GORASP2: variants seen among roughly 807,000 people sequenced by gnomAD.
GORASP2 encodes the protein Golgi reassembly-stacking protein 2.
In GORASP2, 22 loss-of-function variants were observed where a neutral mutation model predicts 45.7. That is an observed-to-expected ratio of 0.48 (90% confidence interval 0.34 to 0.69). The LOEUF is 0.69. Among genes scored for constraint, GORASP2 ranks in the 30% least tolerant of loss-of-function variants. The pLI is 0.01. For missense variants in GORASP2, 491 were observed against 562.7 expected (o/e 0.87, Z 1.29); for synonymous variants, 221 against 215.6 (o/e 1.02, Z -0.22).
Position 170,953,220 on chromosome 2 carries a change from G to A in GORASP2, c.567-1430G>A, listed in dbSNP as rs1005522838. Among the ~76,000 whole-genome samples, 3 of 152,168 alleles carry A rather than the reference G, an allele frequency of 2.0e-5. No individual in the cohort carries two copies. The East Asian group carries it at 5.8e-4, about 29-fold the overall frequency. On this transcript the variant is annotated intron_variant, in intron 5 of 9. Coordinates refer to ENST00000234160, the MANE Select transcript of GORASP2 (RefSeq NM_015530.5). ...AAAATACAAAAATTAGCCAGATGTG[G>A]TGGCATGCACCTATAGTCCCAGCTA...
chr2:170,932,454 A>T (rs763413377), intron 1 of GORASP2, among the ~76,000 whole-genome samples: 1 of 152,204 alleles, frequency 6.6e-6, no homozygotes, highest in Non-Finnish European at 1.5e-5. Context: ...ACATTTGGTT[A>T]TCTAGTCTTC....
rs143373773 is a variant in GORASP2, at chr2:170,951,334, G to A, written c.442G>A (p.Asp148Asn). Reference sequence around the variant, plus strand: ...TCCTGTGACACTTTTGCAGTCTGAAGATCTATTCAGCCTTATCGAAACACA... The same window carrying A: ...TCCTGTGACACTTTTGCAGTCTGAAAATCTATTCAGCCTTATCGAAACACA... ...GADTVMNESE[D>N]LFSLIETHEA... The change falls in exon 5 of 10, where the codon GAT becomes AAT. Residue 148 changes from aspartate to asparagine, a missense_variant. Physicochemically the swap from Asp to Asn is conservative, Grantham distance 23. Coordinates refer to ENST00000234160, the MANE Select transcript of GORASP2 (RefSeq NM_015530.5). The A allele has an allele frequency of 6.3e-7, 1 of 1,598,938 alleles. No individual in the cohort carries two copies. The highest frequency in any genetic ancestry group is 8.5e-7 in the Non-Finnish European group (1 of 1,174,954).
chr2:170,964,905 T>A (rs889835884), intron 9 of GORASP2, among the ~76,000 whole-genome samples: 5 of 133,756 alleles, frequency 3.7e-5, no homozygotes, highest in African/African-American at 1.4e-4. Context: ...TTTTTTTTTT[T>A]TTTTTTTTTT....
intron 1 of GORASP2, chr2:170,929,851 C>T (rs918696511): frequency 2.2e-6 from 1 of 451,650 alleles, no homozygotes; most frequent in Non-Finnish European, 4.6e-6. Flanking sequence ...GGAGGCGGGG[C>T]CTGCGGCGGC....
chr2:170,929,291 G>C lies in GORASP2; in HGVS notation c.-50G>C. The C allele has an allele frequency of 5.4e-6, 7 of 1,304,296 alleles. No individual in the cohort carries two copies. The South Asian group carries it at 9.8e-5, about 18-fold the overall frequency. 80.8% of individuals were successfully genotyped at this position (1,304,296 alleles called of 1,614,324 possible). A position where few individuals can be genotyped will look rare whatever the true frequency, so the allele number is the denominator to read the frequency against. On this transcript the variant is annotated 5_prime_UTR_variant, in exon 1 of 10. Transcript: ENST00000234160. ...AGGATTAGAGCAGGCGGTGCGCTGGGGGCGGGAGCAGCGCGGAGCCCGGCT... is the reference window on the plus strand; with the variant it reads ...AGGATTAGAGCAGGCGGTGCGCTGGCGGCGGGAGCAGCGCGGAGCCCGGCT...
intron 1 of GORASP2, among the ~76,000 whole-genome samples, chr2:170,941,293 G>T (rs1704072180): frequency 1.3e-5 from 2 of 152,032 alleles, no homozygotes; most frequent in African/African-American, 2.4e-5. Context: ...TTGCTCTTTA[G>T]TATTTTCAGC....
chr2:170,929,731 T>C, intron 1 of GORASP2: 4 of 553,758 alleles, frequency 7.2e-6, no homozygotes, highest in South Asian at 1.5e-5. Flanking sequence ...CCACCCCCCC[T>C]CATTTTTAGC....
chr2:170,947,215 C>A (rs1488454927), intron 1 of GORASP2, among the ~76,000 whole-genome samples: 1 of 152,150 alleles, frequency 6.6e-6, no homozygotes, highest in African/African-American at 2.4e-5. Flanking sequence ...CCACAGACCT[C>A]AATTTAAGAT....
chr2:170,954,887 G>A (rs1156324597), intron 6 of GORASP2, 105 bp downstream of exon 6: 17 of 804,666 alleles, frequency 2.1e-5, no homozygotes, highest in African/African-American at 1.2e-4. Context: ...TAGGGTAGAC[G>A]ATGAGTTAAG....
intron 1 of GORASP2, among the ~76,000 whole-genome samples, chr2:170,932,127 T>C (rs2105308513): frequency 6.6e-6 from 1 of 152,320 alleles, no homozygotes; most frequent in South Asian, 2.1e-4. Context: ...CTTGGGAGGC[T>C]GAGGCAGGAG....
At chr2:170,931,052 G>A (rs113346666) in intron 1 of GORASP2, among the ~76,000 whole-genome samples, 2 of 151,072 alleles carry the variant, frequency 1.3e-5, no homozygotes, top group African/African-American at 4.9e-5. Flanking sequence ...ACTGCATTCC[G>A]ACATAAAATG....
At chr2:170,961,890 G>GA (rs1704570109) in intron 8 of GORASP2, 141 bp downstream of exon 8, 11 of 665,328 alleles carry the variant, frequency 1.7e-5, no homozygotes, top group Non-Finnish European at 2.7e-5. Flanking sequence ...ATAAGTTTGT[G>GA]ATAAATGAGA....
At chr2:170,954,573 G>T in intron 5 of GORASP2, 77 bp from the exon 6 acceptor site, 1 of 1,016,110 alleles carries the variant, frequency 9.8e-7, no homozygotes, top group South Asian at 1.6e-5. Flanking sequence ...TGGGTTACCC[G>T]CCCCCCCCAA....
chr2:170,929,379 C>T lies in GORASP2; in HGVS notation c.39C>T (p.Gly13=), dbSNP rs535639726. ...SSQSVEIPGG[G]TEGYHVLRVQ... ...AAAGCGTCGAGATCCCGGGCGGGGG[C>T]ACCGAGGGCTACCACGTTCTGCGGG... The change falls in exon 1 of 10, where the codon GGC becomes GGT. Residue 13 remains glycine (G), a synonymous_variant. Transcript: ENST00000234160. 5.6e-6 allele frequency: 8 copies of T among 1,417,758 alleles called. No homozygotes were observed. The highest frequency in any genetic ancestry group is 1.5e-5 in the African/African-American group (1 of 67,256). The allele number at this position is 1,417,758 out of a possible 1,614,324, so 87.8% of individuals were successfully genotyped here.
chr2:170,957,901 A>G (rs1575478539), intron 7 of GORASP2, among the ~76,000 whole-genome samples: 1 of 152,146 alleles, frequency 6.6e-6, no homozygotes, highest in East Asian at 1.9e-4. Context: ...TCAAGTGATC[A>G]TCGTGCCTTG....
intron 1 of GORASP2, among the ~76,000 whole-genome samples, chr2:170,937,397 C>T (rs961446446): frequency 2.6e-5 from 4 of 152,146 alleles, no homozygotes; most frequent in Non-Finnish European, 4.4e-5. Flanking sequence ...GACAAGGTCT[C>T]GCCACATTGC....
intron 9 of GORASP2, among the ~76,000 whole-genome samples, chr2:170,963,502 G>A (rs988534093): frequency 6.0e-4 from 17 of 28,444 alleles, no homozygotes; most frequent in African/African-American, 1.5e-3. Flanking sequence ...CCCCTCCCCC[G>A]CCCCAGAGTA....
rs554995426 is a variant in GORASP2, at chr2:170,938,532, TAC to T, written c.63+9131_63+9132del. On this transcript the variant is annotated intron_variant, in intron 1 of 9. Coordinates refer to ENST00000234160, the MANE Select transcript of GORASP2 (RefSeq NM_015530.5). ...GCCAGTATCCTTTTCATTGCATTGC[TAC>T]AGTGTTACTACACACATTAATTAAA... is the stretch of plus-strand genomic sequence containing the variant. Among the ~76,000 whole-genome samples, 461 of 152,356 alleles carry T rather than the reference TAC, an allele frequency of 3.0e-3. 2 individuals are homozygous for T. Among genetic ancestry groups the T allele is most frequent in the African/African-American group, 0.011 (448 of 41,584 alleles).
At chr2:170,931,712 A>C (rs1320533138) in intron 1 of GORASP2, among the ~76,000 whole-genome samples, 1 of 152,050 alleles carries the variant, frequency 6.6e-6, no homozygotes, top group Non-Finnish European at 1.5e-5. Flanking sequence ...CATTTTTTTC[A>C]TTATTTTTCA....
Sources: allele counts gnomAD v4.1 joint callset (sites outside exome capture counted in the v4.1 genomes callset), GRCh38; gene constraint gnomAD v4.1.1; transcripts MANE v1.5; gene names NCBI Gene and HGNC (gene_info 2026-07-23, HGNC 2026-07-21).